Variants in MICAL3 observed in about 807,000 individuals in gnomAD.
MICAL3 encodes the protein microtubule associated monooxygenase, calponin and LIM domain containing 3.
In MICAL3, 62 loss-of-function variants were observed where a neutral mutation model predicts 207.4. The observed-to-expected ratio is 0.30, with a 90% CI of 0.24 to 0.37. The LOEUF is 0.37. MICAL3 is among the 10% of genes least tolerant of loss of function. MICAL3 has a pLI of 1.00. For synonymous variants in MICAL3, 1,077 were observed against 1,069.3 expected (o/e 1.01, Z -0.14); for missense variants, 2,368 against 2,635.6 (o/e 0.90, Z 2.22).
chr22:18,020,714 G>A (rs1450912609), intron 1 of MICAL3, among the ~76,000 whole-genome samples: 5 of 150,440 alleles, frequency 3.3e-5, no homozygotes, highest in African/African-American at 7.3e-5. Flanking sequence ...GCAGGAGTTC[G>A]ACACCAGCCT....
At chr22:17,971,549 T>C (rs868718634) in intron 1 of MICAL3, among the ~76,000 whole-genome samples, 28 of 152,144 alleles carry the variant, frequency 1.8e-4, no homozygotes, top group Admixed American at 3.9e-4. Context: ...TCATCTAGCA[T>C]TCATCTAGCA....
chr22:18,005,387 A>G (rs2146496140), intron 1 of MICAL3: 1 of 152,356 alleles, frequency 6.6e-6, no homozygotes, highest in Admixed American at 6.5e-5. Context: ...TAAGGTAGCA[A>G]GGCTGGTAAG....
At chr22:17,960,552 T>C (rs549581489) in intron 1 of MICAL3, among the ~76,000 whole-genome samples, 45 of 152,060 alleles carry the variant, frequency 3.0e-4, no homozygotes, top group African/African-American at 9.6e-4. Context: ...CAGGAGTGTG[T>C]GTGGGAAGGA....
chr22:17,801,152 T>C (rs1035247633), intron 29 of MICAL3, among the ~76,000 whole-genome samples: 889 of 87,778 alleles, frequency 0.01, 179 homozygotes, highest in Non-Finnish European at 0.011. Flanking sequence ...CTTTTTCTTT[T>C]TTTTTTTTTT....
intron 1 of MICAL3, among the ~76,000 whole-genome samples, chr22:18,020,834 A>C (rs900620502): frequency 1.1e-4 from 16 of 151,676 alleles, no homozygotes; most frequent in Non-Finnish European, 2.1e-4. Context: ...GAATCACTTG[A>C]ACCTGGGAAG....
intron 1 of MICAL3, among the ~76,000 whole-genome samples, chr22:17,932,764 G>A (rs191360903): frequency 4.8e-4 from 73 of 152,228 alleles, no homozygotes; most frequent in Admixed American, 2.0e-3. Context: ...GAAGATAAAG[G>A]GATGGAGGAA....
intron 16 of MICAL3, among the ~76,000 whole-genome samples, chr22:17,879,030 G>C (rs1251736695): frequency 6.6e-6 from 1 of 152,180 alleles, no homozygotes; most frequent in East Asian, 1.9e-4. Flanking sequence ...CACATAGTTT[G>C]GGGGTAGAAA....
chr22:17,814,274 G>C (rs1432642689), intron 27 of MICAL3: 1 of 152,220 alleles, frequency 6.6e-6, no homozygotes, highest in Non-Finnish European at 1.5e-5. Context: ...ACCTGTGTCT[G>C]CCAAAGGTTA....
intron 11 of MICAL3, among the ~76,000 whole-genome samples, chr22:17,893,487 C>T (rs1476462535): frequency 6.6e-6 from 1 of 152,174 alleles, no homozygotes; most frequent in Non-Finnish European, 1.5e-5. Flanking sequence ...TCCCCTCTGC[C>T]CCGCGTCTGT....
At chr22:17,821,308 G>T (rs1210054831) in intron 25 of MICAL3, 119 bp downstream of exon 25, 3 of 789,410 alleles carry the variant, frequency 3.8e-6, no homozygotes, top group Non-Finnish European at 5.8e-6. Context: ...AGGCCAGCAG[G>T]CTATGTTAGC....
At chr22:17,848,741 G>A (rs1209443320) in intron 19 of MICAL3, among the ~76,000 whole-genome samples, 4 of 152,182 alleles carry the variant, frequency 2.6e-5, no homozygotes, top group African/African-American at 9.7e-5. Flanking sequence ...AGTCACCCCT[G>A]GGTAGGAAAG....
chr22:17,909,332 T>C (rs1339489740), intron 1 of MICAL3, among the ~76,000 whole-genome samples: 1 of 152,196 alleles, frequency 6.6e-6, no homozygotes, highest in African/African-American at 2.4e-5. Flanking sequence ...AAGACCAGCC[T>C]GGCCAACATG....
intron 1 of MICAL3, among the ~76,000 whole-genome samples, chr22:17,918,588 T>C (rs1007867147): frequency 1.3e-5 from 2 of 152,084 alleles, no homozygotes; most frequent in African/African-American, 2.4e-5. Context: ...AAGCACATAA[T>C]AGCACTCAGT....
intron 11 of MICAL3, 79 bp from the exon 12 acceptor site, chr22:17,891,711 T>C (rs1003680253): frequency 5.7e-6 from 8 of 1,405,880 alleles, no homozygotes; most frequent in Non-Finnish European, 2.0e-6. Context: ...GTAGGACACA[T>C]GTCCCCTTTG....
intron 19 of MICAL3, chr22:17,861,817 A>T: frequency 1.0e-6 from 1 of 985,410 alleles, no homozygotes; most frequent in Non-Finnish European, 1.2e-6. Context: ...CAATGCCCCC[A>T]AACACTAAAT....
intron 1 of MICAL3, among the ~76,000 whole-genome samples, chr22:17,911,295 G>A (rs1051770916): frequency 6.6e-6 from 1 of 151,862 alleles, no homozygotes; most frequent in Admixed American, 6.6e-5. Context: ...GTAGCTGGAT[G>A]TTTGTGGGGG....
chr22:17,788,069 T>A lies in MICAL3; in HGVS notation c.*2663A>T, dbSNP rs887070646. ...CTGCCTTCAAGGGAAGACTTAACTC[T>A]CCGAGAGAAAACCTGCCTGGAGCTG... is the stretch of plus-strand genomic sequence containing the variant. On this transcript the variant is annotated 3_prime_UTR_variant, in exon 32 of 32. Transcript: ENST00000441493. 2 of 152,248 alleles carry A rather than the reference T, an allele frequency of 1.3e-5. No homozygotes were observed. Among genetic ancestry groups the A allele is most frequent in the African/African-American group, 4.8e-5 (2 of 41,458 alleles). The allele number at this position is 152,248 out of a possible 1,614,324, so 9.4% of individuals were successfully genotyped here. A position where few individuals can be genotyped will look rare whatever the true frequency, so the allele number is the denominator to read the frequency against.
chr22:18,016,232 AT>A (rs941083527), intron 1 of MICAL3, among the ~76,000 whole-genome samples: 8 of 152,206 alleles, frequency 5.3e-5, no homozygotes, highest in Non-Finnish European at 1.0e-4. Context: ...TAACAGTATA[AT>A]GGTGTTGTAA....
At chr22:18,009,103 T>G (rs1039245090) in intron 1 of MICAL3, among the ~76,000 whole-genome samples, 1 of 148,634 alleles carries the variant, frequency 6.7e-6, no homozygotes, top group Admixed American at 6.8e-5. Context: ...GATGGGACTA[T>G]GCAGAAGAAA....
Sources: allele counts gnomAD v4.1 joint callset (sites outside exome capture counted in the v4.1 genomes callset), GRCh38; gene constraint gnomAD v4.1.1; transcripts MANE v1.5; gene names NCBI Gene and HGNC (gene_info 2026-07-23, HGNC 2026-07-21).